Variants in NDRG4 observed in about 807,000 individuals in gnomAD.
NDRG4 encodes the protein protein NDRG4.
Under a neutral mutation model 55.8 loss-of-function variants are expected in NDRG4, and 38 were observed. The ratio of observed to expected loss-of-function variants is 0.68; its 90% CI spans 0.53 to 0.89. NDRG4 has a LOEUF of 0.89. NDRG4 is among the 40% of genes least tolerant of loss of function. The pLI, the probability that NDRG4 is intolerant of heterozygous loss-of-function variation, is 0.00. For missense variants in NDRG4, 455 were observed against 468.6 expected (o/e 0.97, Z 0.27); for synonymous variants, 190 against 182.7 (o/e 1.04, Z -0.32).
At chr16:58,491,718 C>T (rs578034917) in intron 2 of NDRG4, among the ~76,000 whole-genome samples, 1 of 152,324 alleles carries the variant, frequency 6.6e-6, no homozygotes, top group East Asian at 1.9e-4. Context: ...CCTTGGCCTC[C>T]CAAAGTGCTG....
At chr16:58,468,549 C>T (rs9931432) in intron 1 of NDRG4, among the ~76,000 whole-genome samples, 11,130 of 152,126 alleles carry the variant, frequency 0.073, 642 homozygotes, top group African/African-American at 0.16. Context: ...GGCGAAACCC[C>T]GTCTCTACCA....
downstream of NDRG4, chr16:58,515,360 G>C: frequency 1.5e-6 from 1 of 653,174 alleles, no homozygotes; most frequent in Non-Finnish European, 2.5e-6. Flanking sequence ...GAGTGCAATT[G>C]GAGATCCTGG....
chr16:58,476,986 A>T (rs2033737701), intron 1 of NDRG4, among the ~76,000 whole-genome samples: 2 of 152,040 alleles, frequency 1.3e-5, no homozygotes, highest in South Asian at 4.1e-4. Context: ...ATAAGCAAAA[A>T]TATTATGGAT....
chr16:58,465,084 G>A (rs1037758311), intron 1 of NDRG4: 16 of 1,285,264 alleles, frequency 1.2e-5, no homozygotes, highest in Non-Finnish European at 1.5e-5. Flanking sequence ...GGGAAAGGGA[G>A]CAGGGACGGG....
chr16:58,492,547 TGTGTGAGA>T (rs2035926767), intron 2 of NDRG4, among the ~76,000 whole-genome samples: 1 of 51,488 alleles, frequency 1.9e-5, no homozygotes, highest in African/African-American at 4.8e-5. Context: ...TGTGTGTGTG[TGTGTGAGA>T]GACAGACAGA....
Position 58,479,746 on chromosome 16 carries a change from G to A in NDRG4, c.-23-8010G>A, listed in dbSNP as rs115885160. On this transcript the variant is annotated intron_variant, in intron 1 of 15. Transcript: ENST00000258187. ...TCATAGACACAGGGAACATCCGAGCGAACAAAACAGATGTAGTTCTTGTCC... is the reference window on the plus strand; with the variant it reads ...TCATAGACACAGGGAACATCCGAGCAAACAAAACAGATGTAGTTCTTGTCC... Among the ~76,000 whole-genome samples, 899 of 152,296 alleles carry A rather than the reference G, an allele frequency of 5.9e-3. 13 individuals are homozygous for A. The highest frequency in any genetic ancestry group is 0.02 in the African/African-American group (838 of 41,558).
At chr16:58,497,943 G>A (rs1285872175), upstream of NDRG4, among the ~76,000 whole-genome samples, 2 of 152,044 alleles carry the variant, frequency 1.3e-5, no homozygotes, top group African/African-American at 4.8e-5. Context: ...TTAGAAGCCT[G>A]AGACACAGAG....
rs1416369282 is a variant in NDRG4, at chr16:58,513,366, C to G, written c.*1790C>G. 6.6e-6 allele frequency: 1 copy of G among 152,142 alleles called. No individual in the cohort carries two copies. Among genetic ancestry groups the G allele is most frequent in the Non-Finnish European group, 1.5e-5 (1 of 68,034 alleles). 9.4% of individuals were successfully genotyped at this position (152,142 alleles called of 1,614,324 possible). A position where few individuals can be genotyped will look rare whatever the true frequency, so the allele number is the denominator to read the frequency against. On this transcript the variant is annotated 3_prime_UTR_variant, in exon 15 of 15. Coordinates refer to ENST00000570248, the MANE Select transcript of NDRG4 (RefSeq NM_001242835.2). ...AAATGTAAAACAAAACTCTAGTCAA[C>G]GTAGAAAGAGTTAACTGTGCTGAAA...
intron 1 of NDRG4, among the ~76,000 whole-genome samples, chr16:58,485,670 G>A (rs1157618129): frequency 1.3e-5 from 2 of 152,108 alleles, no homozygotes; most frequent in Non-Finnish European, 2.9e-5. Flanking sequence ...GGAGAGCCTT[G>A]AGGATGCCTT....
At chr16:58,470,293 G>T (rs1430692543) in intron 1 of NDRG4, among the ~76,000 whole-genome samples, 2 of 152,228 alleles carry the variant, frequency 1.3e-5, no homozygotes, top group Non-Finnish European at 2.9e-5. Context: ...TTCTGAAGAT[G>T]AGCTGGAGTC....
rs199672622 is a variant in NDRG4, at chr16:58,511,486, G to A, written c.969G>A (p.Ser323=). 17 of 1,612,908 alleles carry A rather than the reference G, an allele frequency of 1.1e-5. No individual in the cohort carries two copies. The highest frequency in any genetic ancestry group is 5.0e-5 in the Admixed American group (3 of 60,016). Residue 323 remains serine (S), a synonymous_variant, in exon 15 of 15, where the codon TCG becomes TCA. Coordinates refer to ENST00000570248, the MANE Select transcript of NDRG4 (RefSeq NM_001242835.2). ...SRTASLTSAS[S]VDGSRPQACT... is the part of the protein sequence containing the mutation. ...CTGCATCCCTCACCAGTGCCAGCTC[G>A]GTGGATGGCAGCCGCCCACAGGCCT...
At position 58,471,774 on chromosome 16, in the gene NDRG4, G is replaced by A. The variant is rs576956068; in HGVS notation, c.-24+7977G>A. ...TGGCGGGGGTGGTCGGGCAGGTGCT[G>A]TGTGCCTGCTGATAGGTCCCACCCT... On this transcript the variant is annotated intron_variant, in intron 1 of 15. Coordinates refer to the NDRG4 transcript ENST00000258187. Among the ~76,000 whole-genome samples the A allele has an allele frequency of 1.2e-3, 189 of 152,290 alleles. 1 individual carries two copies. Among genetic ancestry groups the A allele is most frequent in the African/African-American group, 4.3e-3 (178 of 41,560 alleles).
At chr16:58,490,712 C>T (rs1187609481) in intron 2 of NDRG4, among the ~76,000 whole-genome samples, 1 of 152,220 alleles carries the variant, frequency 6.6e-6, no homozygotes, top group Non-Finnish European at 1.5e-5. Flanking sequence ...CATGTTGGCT[C>T]ACGCCTGTAA....
intron 10 of NDRG4, 27 bp downstream of exon 10, chr16:58,508,026 G>T: frequency 2.6e-6 from 4 of 1,528,102 alleles, no homozygotes; most frequent in Non-Finnish European, 3.5e-6. Flanking sequence ...GGGCTCACTG[G>T]GGGTGGGAGG....
rs533131434 is a variant in NDRG4, at chr16:58,476,848, T to A, written c.-23-10908T>A. On this transcript the variant is annotated intron_variant, in intron 1 of 15. Coordinates refer to the NDRG4 transcript ENST00000258187. ...TTTACAAAAGTGATAGATGCTTTTT[T>A]AAAATCTGGATCTAATATATTCTAA... Among the ~76,000 whole-genome samples the A allele has an allele frequency of 1.6e-4, 24 of 152,326 alleles. No homozygotes were observed. In the South Asian group the frequency reaches 4.8e-3, roughly 30 times the overall value.
intron 1 of NDRG4, chr16:58,500,627 T>C: frequency 2.0e-6 from 1 of 493,638 alleles, no homozygotes; most frequent in South Asian, 2.7e-5. Context: ...TCTGACCGTG[T>C]GCCCTCTGGT....
At chr16:58,494,694 C>T (rs2036192215) in intron 2 of NDRG4, among the ~76,000 whole-genome samples, 1 of 151,946 alleles carries the variant, frequency 6.6e-6, no homozygotes, top group South Asian at 2.1e-4. Flanking sequence ...GGGCTGGGTG[C>T]GGTGTTTCAT....
At chr16:58,480,112 C>T (rs1049341565) in intron 1 of NDRG4, among the ~76,000 whole-genome samples, 2 of 152,020 alleles carry the variant, frequency 1.3e-5, no homozygotes, top group South Asian at 2.1e-4. Context: ...TCTGCCCCTC[C>T]GATTTTTTGT....
At position 58,511,750 on chromosome 16, in the gene NDRG4, G is replaced by A; in HGVS notation, c.*174G>A. 1.3e-6 allele frequency: 1 copy of A among 797,450 alleles called. No individual in the cohort carries two copies. The highest frequency in any genetic ancestry group is 2.1e-6 in the Non-Finnish European group (1 of 477,760). 49.4% of individuals were successfully genotyped at this position (797,450 alleles called of 1,614,324 possible). A position where few individuals can be genotyped will look rare whatever the true frequency, so the allele number is the denominator to read the frequency against. ...CAGAACAGTCTCCAGGTGTTTTAAG[G>A]GGCTCAGTCCTCCTCATCCCATCTC... is the stretch of plus-strand genomic sequence containing the variant. On this transcript the variant is annotated 3_prime_UTR_variant, in exon 15 of 15. Coordinates refer to ENST00000570248, the MANE Select transcript of NDRG4 (RefSeq NM_001242835.2).
Sources: gnomAD v4.1 joint callset for allele counts (sites outside exome capture counted in the v4.1 genomes callset) on GRCh38, gnomAD v4.1.1 for gene constraint, MANE v1.5 for transcripts, NCBI Gene and HGNC (gene_info 2026-07-23, HGNC 2026-07-21) for gene names.